Variants in HIF3A observed in about 807,000 individuals in gnomAD.
The protein encoded by HIF3A is hypoxia-inducible factor 3-alpha.
Under a neutral mutation model 67.2 loss-of-function variants are expected in HIF3A, and 41 were observed. The ratio of observed to expected loss-of-function variants is 0.61; its 90% CI spans 0.48 to 0.79. HIF3A has a LOEUF of 0.79. Among genes scored for constraint, HIF3A ranks in the 30% least tolerant of loss-of-function variants. The pLI is 0.00. For missense variants in HIF3A, 855 were observed against 898.0 expected, an observed-to-expected ratio of 0.95 and a Z score of 0.61; for synonymous variants, 356 against 374.8, an observed-to-expected ratio of 0.95 and a Z score of 0.58.
chr19:46,308,806 G>A (rs1437772157), intron 5 of HIF3A, 31 bp downstream of exon 5: 2 of 1,418,094 alleles, frequency 1.4e-6, no homozygotes, highest in East Asian at 2.4e-5. Flanking sequence ...GGAGGGCGGG[G>A]ACGCTGGGGC....
intron 10 of HIF3A, among the ~76,000 whole-genome samples, chr19:46,325,204 C>G (rs1278686787): frequency 6.6e-6 from 1 of 151,826 alleles, no homozygotes; most frequent in Non-Finnish European, 1.5e-5. Context: ...ACCCTGTTGG[C>G]CAAGCTGGTC....
chr19:46,330,841 CAGAT>C (rs796834451), intron 12 of HIF3A, among the ~76,000 whole-genome samples: 5 of 133,924 alleles, frequency 3.7e-5, no homozygotes, highest in African/African-American at 1.1e-4. Context: ...GGATGGATGG[CAGAT>C]GGATGGATGG....
chr19:46,308,580 G>A (rs1253326943), intron 4 of HIF3A, 83 bp from the exon 5 acceptor site: 3 of 795,628 alleles, frequency 3.8e-6, no homozygotes, highest in Non-Finnish European at 6.0e-6. Flanking sequence ...GAGCTGGGGA[G>A]GCCTGAGCAG....
intron 6 of HIF3A, chr19:46,311,928 C>A: frequency 2.8e-6 from 2 of 724,834 alleles, no homozygotes; most frequent in Non-Finnish European, 5.1e-6. Context: ...CCTTTAGCCA[C>A]GTAAGAGACC....
chr19:46,321,069 TG>T (rs1308135789), intron 9 of HIF3A, among the ~76,000 whole-genome samples: 1 of 152,118 alleles, frequency 6.6e-6, no homozygotes, highest in Non-Finnish European at 1.5e-5. Flanking sequence ...CTCCTGGGTG[TG>T]GGGTGGGATT....
chr19:46,330,890 G>A (rs572556751), intron 12 of HIF3A, among the ~76,000 whole-genome samples: 2 of 152,122 alleles, frequency 1.3e-5, no homozygotes, highest in South Asian at 4.2e-4. Flanking sequence ...TGGGTGGAAG[G>A]ATGGATGGAT....
At chr19:46,309,121 A>C (rs753868443) in intron 5 of HIF3A, 30 bp from the exon 6 acceptor site, 1 of 1,590,200 alleles carries the variant, frequency 6.3e-7, no homozygotes, top group East Asian at 2.2e-5. Flanking sequence ...CAGAGGCACC[A>C]CTGCCTTGTC....
chr19:46,325,470 C>A, intron 10 of HIF3A, 65 bp from the exon 11 acceptor site: 1 of 1,131,962 alleles, frequency 8.8e-7, no homozygotes, highest in Non-Finnish European at 1.3e-6. Context: ...GAGCTGCAGA[C>A]TGTCTTAATG....
chr19:46,327,380 A>G (rs183654986), intron 11 of HIF3A, among the ~76,000 whole-genome samples: 5 of 151,448 alleles, frequency 3.3e-5, no homozygotes, highest in Admixed American at 1.3e-4. Flanking sequence ...CAGTGACGCA[A>G]TCTTGGCTCA....
intron 1 of HIF3A, among the ~76,000 whole-genome samples, chr19:46,301,545 G>A (rs774986140): frequency 1.4e-4 from 22 of 152,254 alleles, no homozygotes; most frequent in South Asian, 4.1e-4. Context: ...GCCCCCCTCC[G>A]CCGGGCATGG....
At chr19:46,308,641 C>T (rs766882939) in intron 4 of HIF3A, 22 bp from the exon 5 acceptor site, 15 of 1,488,354 alleles carry the variant, frequency 1.0e-5, no homozygotes, top group South Asian at 4.8e-5. Context: ...GTGACCTCCC[C>T]GCTGCCCCCG....
At position 46,308,666 on chromosome 19, in the gene HIF3A, T is replaced by C; in HGVS notation, c.452T>C (p.Leu151Pro). ...LQDALTPQQTLSRRKVEAPTE... is the reference protein window; with the variant it reads ...LQDALTPQQTPSRRKVEAPTE... ...CGCTGCCCCCGGGCCTCCCCAGCCC[T>C]GTCCAGGAGGAAGGTGGAGGCCCCC... The change falls in exon 5 of 15, where the codon CTG (leucine) becomes CCG (proline). Residue 151 changes from leucine (L) to proline (P), a missense_variant. By Grantham distance (98) the Leu-to-Pro change is moderately conservative. Transcript: ENST00000377670. 1 of 1,600,808 alleles carries C rather than the reference T, an allele frequency of 6.2e-7. No individual in the cohort carries two copies. The highest frequency in any genetic ancestry group is 1.3e-5 in the African/African-American group (1 of 74,860).
At chr19:46,299,467 T>C (rs1968141363) in intron 1 of HIF3A, among the ~76,000 whole-genome samples, 1 of 152,058 alleles carries the variant, frequency 6.6e-6, no homozygotes, top group African/African-American at 2.4e-5. Flanking sequence ...GGCCTGTTAT[T>C]CCAGCACTTT....
intron 1 of HIF3A, chr19:46,298,479 T>C (rs1462984676): frequency 1.6e-6 from 2 of 1,286,214 alleles, no homozygotes; most frequent in South Asian, 2.5e-5. Context: ...CTGCACCCCC[T>C]GGATGGCCCT....
rs1282435224 is a variant in HIF3A, at chr19:46,323,348, C to G, written c.1335+1382C>G. Among the ~76,000 whole-genome samples, 3 of 152,078 alleles carry G rather than the reference C, an allele frequency of 2.0e-5. No homozygotes were observed. The East Asian group carries it at 5.8e-4, about 29-fold the overall frequency. On this transcript the variant is annotated intron_variant, in intron 10 of 14. Transcript: ENST00000377670. Reference sequence around the variant, plus strand: ...ACAGGCATGAGCCACCGCGCCCGGCCTCTGGGGACAGTCTTATGACCCACA... The same window carrying G: ...ACAGGCATGAGCCACCGCGCCCGGCGTCTGGGGACAGTCTTATGACCCACA...
chr19:46,297,835 C>A lies in HIF3A; in HGVS notation c.26+733C>A, dbSNP rs1967978000. The stretch of plus-strand genomic sequence containing the variant: ...CAGCCCCTCATCTCACCCCTGCACC[C>A]CCATCCTGAGAGACAGGGGAGCCTC... On this transcript the variant is annotated intron_variant, in intron 1 of 14. Transcript: ENST00000377670. The surrounding 1 kb of genome is among the most constrained non-coding windows in gnomAD (Gnocchi z 4.5). Among the ~76,000 whole-genome samples, 9 of 152,110 alleles carry A rather than the reference C, an allele frequency of 5.9e-5. No homozygotes were observed. Among genetic ancestry groups the A allele is most frequent in the Admixed American group, 5.9e-4 (9 of 15,282 alleles).
Position 46,340,272 on chromosome 19 carries a change from C to T in HIF3A, c.*650C>T, listed in dbSNP as rs1971888029. ...CCTTGCGCTCTGGGCTTCCTGCCGC[C>T]CCCAGCTTTGCCTGGACACTGACTT... On this transcript the variant is annotated 3_prime_UTR_variant, in exon 15 of 15. Coordinates refer to ENST00000377670, the MANE Select transcript of HIF3A (RefSeq NM_152795.4). The T allele has an allele frequency of 1.3e-5, 2 of 152,570 alleles. No homozygotes were observed. Among genetic ancestry groups the T allele is most frequent in the African/African-American group, 4.8e-5 (2 of 41,574 alleles). The allele number at this position is 152,570 out of a possible 1,614,324, so 9.5% of individuals were successfully genotyped here.
At chr19:46,312,409 C>T in intron 7 of HIF3A, 97 bp from the exon 8 acceptor site, 1 of 1,606,804 alleles carries the variant, frequency 6.2e-7, no homozygotes, top group Non-Finnish European at 8.5e-7. Flanking sequence ...CCCCAAGGAA[C>T]TGTCTCCTTC....
At chr19:46,320,907 CTT>C (rs1460016539) in intron 9 of HIF3A, among the ~76,000 whole-genome samples, 1 of 152,190 alleles carries the variant, frequency 6.6e-6, no homozygotes, top group East Asian at 1.9e-4. Context: ...CCTGTTCTGG[CTT>C]TGCTGCTCTT....
Sources: allele counts gnomAD v4.1 joint callset (sites outside exome capture counted in the v4.1 genomes callset), GRCh38; gene constraint gnomAD v4.1.1; non-coding constraint Gnocchi (gnomAD v3.1); transcripts MANE v1.5; gene names NCBI Gene and HGNC (gene_info 2026-07-23, HGNC 2026-07-21).